PPP1R37: variants seen among roughly 807,000 people sequenced by gnomAD.
PPP1R37 encodes leucine rich repeat containing 68.
PPP1R37 carries 21 observed loss-of-function variants against 61.0 expected under a neutral mutation model. That is an observed-to-expected ratio of 0.34 (90% CI 0.24 to 0.50). PPP1R37 has a LOEUF of 0.50. Ranked by LOEUF, PPP1R37 falls within the 20% of genes least tolerant of loss-of-function variation. The pLI is 0.98. For synonymous variants in PPP1R37, 443 were observed against 433.5 expected (o/e 1.02, Z -0.27); for missense variants, 910 against 952.7 (o/e 0.96, Z 0.59).
At chr19:45,108,822 G>T (rs1968165537) in intron 1 of PPP1R37, 1 of 151,850 alleles carries the variant, frequency 6.6e-6, no homozygotes. Context: ...TGTATGTTTT[G>T]TAGAGACAGG....
At chr19:45,142,238 C>G in intron 6 of PPP1R37, 27 bp downstream of exon 6, 1 of 1,532,730 alleles carries the variant, frequency 6.5e-7, no homozygotes. Context: ...GGAGGGTGAG[C>G]AGGATGTGCA....
At chr19:45,112,024 A>G (rs1244638997) in intron 1 of PPP1R37, among the ~76,000 whole-genome samples, 1 of 150,588 alleles carries the variant, frequency 6.6e-6, no homozygotes, top group Admixed American at 6.6e-5. Flanking sequence ...GCTGGAGTGC[A>G]GTGGCATAAT....
In PPP1R37 at chr19:45,144,937, C is replaced by T; in HGVS notation, c.1071C>T (p.Leu357=). ...GTGTGCGGCACCTCAAGAACGGGCT[C>T]ATCAGCAACCGCAGCGTGCTGCGCC... ...NEGVRHLKNG[L]ISNRSVLRLG... is the part of the protein sequence containing the mutation. Residue 357 remains leucine, a synonymous_variant, in exon 9 of 13, where the codon CTC becomes CTT. Coordinates refer to ENST00000221462, the MANE Select transcript of PPP1R37 (RefSeq NM_019121.2). 2 of 1,535,782 alleles carry T rather than the reference C, an allele frequency of 1.3e-6. No individual in the cohort carries two copies. The highest frequency in any genetic ancestry group is 2.4e-5 in the East Asian group (1 of 40,900).
At chr19:45,128,654 C>CTT (rs2039848770) in intron 1 of PPP1R37, 3 of 1,233,760 alleles carry the variant, frequency 2.4e-6, no homozygotes, top group Non-Finnish European at 3.5e-6. Context: ...GTAACACTGG[C>CTT]TTCGTGGTGC....
In PPP1R37 at chr19:45,127,352, CAAAAAA is replaced by C. The variant is rs11295552; in HGVS notation, c.203-11143_203-11138del. On this transcript the variant is annotated intron_variant, in intron 1 of 12. Transcript: ENST00000221462. ...GGGCAAGAAGAGTAAAACTCCATCT[CAAAAAA>C]AAAAAAAAAAAAAAAAAACCCTAGG... Among the ~76,000 whole-genome samples the C allele has an allele frequency of 4.3e-3, 300 of 69,670 alleles. 2 individuals carry two copies. The highest frequency in any genetic ancestry group is 0.013 in the African/African-American group (277 of 20,580). The allele number at this position is 69,670 out of a possible 152,430, so 45.7% of individuals were successfully genotyped here.
rs529091314 is a variant in PPP1R37 at position 45,123,561 on chromosome 19, C to T, written c.203-14953C>T. 1.4e-4 allele frequency among the ~76,000 whole-genome samples: 21 copies of T among 152,318 alleles called. No individual in the cohort carries two copies. The South Asian group carries it at 4.1e-3, about 30-fold the overall frequency. On this transcript the variant is annotated intron_variant, in intron 1 of 12. Coordinates refer to ENST00000221462, the MANE Select transcript of PPP1R37 (RefSeq NM_019121.2). ...CAGGACAGACAGCTCTGGTTCAAAC[C>T]TCCCTCTGTCCGCTCCCACAGGTGT... is the stretch of plus-strand genomic sequence containing the variant.
At chr19:45,128,594 A>G (rs1968438029) in intron 1 of PPP1R37, 1 of 1,262,756 alleles carries the variant, frequency 7.9e-7, no homozygotes, top group Non-Finnish European at 1.1e-6. Context: ...ACTTCGAGAC[A>G]AGAGATGCAG....
At chr19:45,145,046 G>T in intron 9 of PPP1R37, 48 bp from the exon 10 acceptor site, 2 of 1,520,500 alleles carry the variant, frequency 1.3e-6, no homozygotes, top group South Asian at 1.2e-5. Flanking sequence ...CAGCCGGGCG[G>T]CCAGCCGGGT....
chr19:45,119,834 G>GCA (rs1568444387), intron 1 of PPP1R37, among the ~76,000 whole-genome samples: 2 of 152,058 alleles, frequency 1.3e-5, no homozygotes, highest in African/African-American at 4.8e-5. Flanking sequence ...CCAGCACCCC[G>GCA]CACAACCTTG....
rs1480811927 is a variant in PPP1R37 at position 45,140,486 on chromosome 19, C to A, written c.347-20C>A. 3 of 1,519,078 alleles carry A rather than the reference C, an allele frequency of 2.0e-6. No individual in the cohort carries two copies. The highest frequency in any genetic ancestry group is 4.9e-5 in the East Asian group (2 of 40,820). 94.1% of individuals were successfully genotyped at this position (1,519,078 alleles called of 1,614,324 possible). A position where few individuals can be genotyped will look rare whatever the true frequency, so the allele number is the denominator to read the frequency against. On this transcript the variant is annotated intron_variant, in intron 3 of 12. Transcript: ENST00000221462. ...AGGTGCACTGTCTTAGACATGCGCA[C>A]GGCTGCTGTCTCCCCCCAGGTGAGA...
Position 45,093,545 on chromosome 19 carries a change from A to AGCGGGG in PPP1R37, c.202+24_202+29dup. ...GAGACATGGTAGCTACCGCGGGTGAAGCGGGGGCGGGCTCGAGAGGGACCC... is the reference window on the plus strand; with the variant it reads ...GAGACATGGTAGCTACCGCGGGTGAAGCGGGGGCGGGGGCGGGCTCGAGAGGGACCC... On this transcript the variant is annotated intron_variant, in intron 1 of 12. Transcript: ENST00000221462. 1 of 1,524,472 alleles carries AGCGGGG rather than the reference A, an allele frequency of 6.6e-7. No individual in the cohort carries two copies. The highest frequency in any genetic ancestry group is 8.8e-7 in the Non-Finnish European group (1 of 1,138,532). The allele number at this position is 1,524,472 out of a possible 1,614,324, so 94.4% of individuals were successfully genotyped here.
intron 1 of PPP1R37, among the ~76,000 whole-genome samples, chr19:45,118,080 G>A (rs536444354): frequency 2.0e-5 from 3 of 152,328 alleles, no homozygotes; most frequent in Admixed American, 6.5e-5. Context: ...AGGTTTTTCC[G>A]AACAGGCTCA....
At chr19:45,137,636 G>A (rs1287516742) in intron 1 of PPP1R37, among the ~76,000 whole-genome samples, 4 of 152,250 alleles carry the variant, frequency 2.6e-5, no homozygotes, top group Admixed American at 6.5e-5. Flanking sequence ...AATAGCGTAC[G>A]GCGATGTTTA....
intron 1 of PPP1R37, among the ~76,000 whole-genome samples, chr19:45,106,039 C>T (rs981570301): frequency 6.6e-6 from 1 of 152,190 alleles, no homozygotes; most frequent in Non-Finnish European, 1.5e-5. Context: ...ACTGAATGTC[C>T]TCCCACCAGC....
Position 45,145,236 on chromosome 19 carries a change from C to G in PPP1R37, c.1272C>G (p.Leu424=). ...KVNHSLLRLD[L]DREPKKEAVK... is the part of the protein sequence containing the mutation. ...ACCACTCACTGCTGCGCCTGGACCT[C>G]GACCGTGAACCCAAGAAAGAGGCGG... Residue 424 remains leucine (L), a synonymous_variant, in exon 10 of 13, where the codon CTC becomes CTG. Transcript: ENST00000221462. 6.5e-7 allele frequency: 1 copy of G among 1,533,590 alleles called. No homozygotes were observed. The highest frequency in any genetic ancestry group is 2.0e-5 in the Admixed American group (1 of 50,628). The allele number at this position is 1,533,590 out of a possible 1,614,324, so 95.0% of individuals were successfully genotyped here.
intron 1 of PPP1R37, among the ~76,000 whole-genome samples, chr19:45,114,203 T>G (rs1399154334): frequency 1.3e-5 from 2 of 152,150 alleles, no homozygotes; most frequent in South Asian, 4.1e-4. Flanking sequence ...GTCTGTTGAG[T>G]TATCAGGGCC....
chr19:45,142,198 C>T lies in PPP1R37; in HGVS notation c.705C>T (p.Pro235=), dbSNP rs1222367441. 4.6e-6 allele frequency: 7 copies of T among 1,534,528 alleles called. No homozygotes were observed. The African/African-American group carries it at 8.2e-5, about 18-fold the overall frequency. ...AGAACGCCAGCCTGTCGGGGCGGCC[C>T]CTCATGCTGCTCGGTGAGCCCCAAG... is the stretch of plus-strand genomic sequence containing the variant. The part of the protein sequence containing the change: ...HLENASLSGR[P]LMLLATALKM... The change falls in exon 6 of 13, where the codon CCC becomes CCT. Residue 235 remains proline (P), a synonymous_variant. Transcript: ENST00000221462.
chr19:45,145,090 C>CT lies in PPP1R37; in HGVS notation c.1130-4_1130-3insT, dbSNP rs933483223. ...CGTGGCCAGCCCCTGCGGTGCCCCC[C>CT]CAGGCGCGGTGGCGGTGGCGGAGTT... On this transcript the variant is annotated splice_polypyrimidine_tract_variant and splice_region_variant and intron_variant, in intron 9 of 12. Transcript: ENST00000221462. 5.2e-6 allele frequency: 8 copies of CT among 1,532,430 alleles called. No individual in the cohort carries two copies. The highest frequency in any genetic ancestry group is 6.1e-6 in the Non-Finnish European group (7 of 1,145,320). The allele number at this position is 1,532,430 out of a possible 1,614,324, so 94.9% of individuals were successfully genotyped here.
chr19:45,134,202 C>G (rs1357835306), intron 1 of PPP1R37, among the ~76,000 whole-genome samples: 2 of 151,910 alleles, frequency 1.3e-5, no homozygotes, highest in African/African-American at 2.4e-5. Flanking sequence ...TAGAGACTGG[C>G]TTTGTTGGCA....
Sources: allele counts gnomAD v4.1 joint callset (sites outside exome capture counted in the v4.1 genomes callset), GRCh38; gene constraint gnomAD v4.1.1; transcripts MANE v1.5; gene names NCBI Gene and HGNC (gene_info 2026-07-23, HGNC 2026-07-21).